NPAS3: variants seen among roughly 807,000 people sequenced by gnomAD.
NPAS3 encodes neuronal PAS domain-containing protein 3.
A neutral mutation model predicts 73.1 loss-of-function variants in NPAS3; 14 were observed. The observed-to-expected ratio is 0.19, with a 90% CI of 0.13 to 0.30. NPAS3 has a LOEUF of 0.30. NPAS3 is among the 10% of genes least tolerant of loss of function. The probability of loss-of-function intolerance (pLI) is 1.00; values close to 1 mark genes in which losing one functional copy is unlikely to be tolerated. For missense variants in NPAS3, 1,096 were observed against 1,250.0 expected, an observed-to-expected ratio of 0.88 and a Z score of 1.86; for synonymous variants, 620 against 541.5, an observed-to-expected ratio of 1.14 and a Z score of -2.01.
chr14:33,723,627 T>C (rs1048593437), intron 6 of NPAS3, among the ~76,000 whole-genome samples: 2 of 151,710 alleles, frequency 1.3e-5, no homozygotes, highest in Non-Finnish European at 2.9e-5. Context: ...TGAATGTCCC[T>C]GTATGAAGGA....
At chr14:32,969,871 C>T (rs1464562700) in intron 1 of NPAS3, among the ~76,000 whole-genome samples, 1 of 152,114 alleles carries the variant, frequency 6.6e-6, no homozygotes, top group Non-Finnish European at 1.5e-5. Context: ...TAGTACTCTG[C>T]TATAATTCAG....
At chr14:33,129,516 G>A (rs372037292) in intron 2 of NPAS3, among the ~76,000 whole-genome samples, 2 of 152,136 alleles carry the variant, frequency 1.3e-5, no homozygotes, top group African/African-American at 4.8e-5. Context: ...ATTAAAGCGT[G>A]CTATTAAGTT....
intron 5 of NPAS3, among the ~76,000 whole-genome samples, chr14:33,633,592 G>C (rs1239615654): frequency 6.6e-6 from 1 of 152,130 alleles, no homozygotes; most frequent in African/African-American, 2.4e-5. Context: ...TAACACAATG[G>C]TAAGTATTTG....
intron 1 of NPAS3, among the ~76,000 whole-genome samples, chr14:33,013,858 G>A (rs2039298328): frequency 6.6e-6 from 1 of 152,040 alleles, no homozygotes; most frequent in South Asian, 2.1e-4. Context: ...AATTTAGACA[G>A]GTGGAATATG....
chr14:33,561,453 C>G (rs148743580), intron 5 of NPAS3, among the ~76,000 whole-genome samples: 1 of 152,300 alleles, frequency 6.6e-6, no homozygotes, highest in East Asian at 1.9e-4. Flanking sequence ...AAGCTCTCAG[C>G]TATAGTGTGT....
At chr14:33,591,490 A>G (rs2057065236) in intron 5 of NPAS3, among the ~76,000 whole-genome samples, 1 of 152,200 alleles carries the variant, frequency 6.6e-6, no homozygotes, top group African/African-American at 2.4e-5. Flanking sequence ...CTGCATCCCC[A>G]CTACTAAAGC....
chr14:33,674,396 C>T (rs2059697287), intron 5 of NPAS3, among the ~76,000 whole-genome samples: 1 of 152,250 alleles, frequency 6.6e-6, no homozygotes, highest in Non-Finnish European at 1.5e-5. Flanking sequence ...GTGACTTCCT[C>T]ATATTCACTA....
At chr14:33,285,876 C>G (rs1031563050) in intron 3 of NPAS3, among the ~76,000 whole-genome samples, 10 of 152,176 alleles carry the variant, frequency 6.6e-5, no homozygotes, top group African/African-American at 2.4e-4. Context: ...TTCAACTCCT[C>G]CCACTTTCCT....
intron 3 of NPAS3, among the ~76,000 whole-genome samples, chr14:33,359,191 A>T (rs1391636667): frequency 6.6e-6 from 1 of 152,134 alleles, no homozygotes; most frequent in Non-Finnish European, 1.5e-5. Context: ...AAGGCAAGAG[A>T]CTTTGTATTC....
intron 3 of NPAS3, among the ~76,000 whole-genome samples, chr14:33,310,368 A>G (rs772358311): frequency 6.6e-6 from 1 of 152,120 alleles, no homozygotes; most frequent in Non-Finnish European, 1.5e-5. Context: ...TCTGCATAAC[A>G]TTATTTCCAG....
At chr14:33,290,918 A>T (rs1472478954) in intron 3 of NPAS3, among the ~76,000 whole-genome samples, 1 of 152,198 alleles carries the variant, frequency 6.6e-6, no homozygotes, top group Non-Finnish European at 1.5e-5. Context: ...CACAGAATGA[A>T]GTAAAGCAGA....
chr14:33,616,723 G>A (rs2057930958), intron 5 of NPAS3, among the ~76,000 whole-genome samples: 1 of 152,178 alleles, frequency 6.6e-6, no homozygotes, highest in African/African-American at 2.4e-5. Context: ...ATGATTTGCA[G>A]GTGGTGACAA....
intron 5 of NPAS3, among the ~76,000 whole-genome samples, chr14:33,650,225 G>T (rs926816872): frequency 6.6e-6 from 1 of 152,182 alleles, no homozygotes; most frequent in African/African-American, 2.4e-5. Context: ...GAGAACAGAG[G>T]TTGCTTGTAG....
At chr14:33,655,151 C>A (rs1319167724) in intron 5 of NPAS3, among the ~76,000 whole-genome samples, 2 of 152,130 alleles carry the variant, frequency 1.3e-5, no homozygotes, top group African/African-American at 4.8e-5. Flanking sequence ...GGGAATAATA[C>A]CCACCTAATC....
intron 2 of NPAS3, among the ~76,000 whole-genome samples, chr14:33,183,820 A>C (rs1566650436): frequency 6.6e-6 from 1 of 151,948 alleles, no homozygotes; most frequent in Non-Finnish European, 1.5e-5. Context: ...CTGAACTCTC[A>C]TTTGCTTTTC....
At chr14:33,453,449 T>A (rs1594937276) in intron 4 of NPAS3, among the ~76,000 whole-genome samples, 1 of 152,334 alleles carries the variant, frequency 6.6e-6, no homozygotes, top group East Asian at 1.9e-4. Flanking sequence ...GTGGGTTTTT[T>A]GTCCTTCCCA....
At chr14:33,023,101 A>G (rs546320173) in intron 1 of NPAS3, among the ~76,000 whole-genome samples, 77 of 152,304 alleles carry the variant, frequency 5.1e-4, no homozygotes, top group Non-Finnish European at 9.1e-4. Flanking sequence ...TTAAAAAAAA[A>G]AGAAAAGAGG....
intron 3 of NPAS3, among the ~76,000 whole-genome samples, chr14:33,235,805 CTTTTTTTTT>C (rs35968798): frequency 1.1e-4 from 9 of 80,630 alleles, no homozygotes; most frequent in Admixed American, 3.9e-4. Context: ...TGATACAATT[CTTTTTTTTT>C]TTTTTTTTTT....
At chr14:33,582,955 C>G (rs1276493871) in intron 5 of NPAS3, among the ~76,000 whole-genome samples, 3 of 115,950 alleles carry the variant, frequency 2.6e-5, no homozygotes, top group Non-Finnish European at 3.3e-5. Context: ...TCCTTTGGAC[C>G]TAGATATTTA....
Sources: allele counts gnomAD v4.1 joint callset (sites outside exome capture counted in the v4.1 genomes callset), GRCh38; gene constraint gnomAD v4.1.1; transcripts MANE v1.5; gene names NCBI Gene and HGNC (gene_info 2026-07-23, HGNC 2026-07-21).